Variants in FNDC3B observed in about 807,000 individuals in gnomAD.
The protein encoded by FNDC3B is fibronectin type III domain-containing protein 3B.
FNDC3B carries 12 observed loss-of-function variants against 151.5 expected under a neutral mutation model. That is an observed-to-expected ratio of 0.08 (90% confidence interval 0.05 to 0.13). FNDC3B has a LOEUF of 0.13. Ranked by LOEUF, FNDC3B falls within the 10% of genes least tolerant of loss-of-function variation. FNDC3B has a pLI of 1.00. For synonymous variants in FNDC3B, 528 were observed against 549.0 expected, an observed-to-expected ratio of 0.96 and a Z score of 0.54; for missense variants, 1,214 against 1,505.3, an observed-to-expected ratio of 0.81 and a Z score of 3.20.
At position 172,385,597 on chromosome 3, in the gene FNDC3B, C is replaced by T. The variant is rs1308132698; in HGVS notation, c.3303+4504C>T. ...TTTTTTGGACAGAGTCTCACTCTGT[C>T]GCCCAGGCTGGAGCACAGTGGCGTG... On this transcript the variant is annotated intron_variant, in intron 25 of 25. Transcript: ENST00000415807. Among the ~76,000 whole-genome samples, 7 of 149,498 alleles carry T rather than the reference C, an allele frequency of 4.7e-5. No individual in the cohort carries two copies. In the East Asian group the frequency reaches 7.8e-4, roughly 17 times the overall value.
At chr3:172,185,586 G>C (rs1390559924) in intron 3 of FNDC3B, among the ~76,000 whole-genome samples, 3 of 152,122 alleles carry the variant, frequency 2.0e-5, no homozygotes, top group Admixed American at 2.0e-4. Context: ...ATTGAGATTT[G>C]AAAAGGAATG....
At chr3:172,307,837 G>A (rs1731273556) in intron 10 of FNDC3B, among the ~76,000 whole-genome samples, 2 of 152,210 alleles carry the variant, frequency 1.3e-5, no homozygotes, top group East Asian at 1.9e-4. Flanking sequence ...GGGCAAAGGG[G>A]TGGGAGGAGG....
At chr3:172,248,707 A>G (rs1727911718) in intron 5 of FNDC3B, among the ~76,000 whole-genome samples, 1 of 147,972 alleles carries the variant, frequency 6.8e-6, no homozygotes, top group Non-Finnish European at 1.5e-5. Context: ...TAATTTCTAT[A>G]TAATTAATTA....
chr3:172,160,089 T>C (rs1255120829), intron 3 of FNDC3B, among the ~76,000 whole-genome samples: 1 of 152,250 alleles, frequency 6.6e-6, no homozygotes, highest in East Asian at 1.9e-4. Context: ...CTCGCCTGCC[T>C]GTAAACCTGT....
chr3:172,161,860 C>T (rs949367473), intron 3 of FNDC3B, among the ~76,000 whole-genome samples: 1 of 152,158 alleles, frequency 6.6e-6, no homozygotes, highest in African/African-American at 2.4e-5. Flanking sequence ...CCCCTACATC[C>T]CCAGCACTAG....
In FNDC3B at chr3:172,217,083, TCTCCATAA is replaced by T. The variant is rs1376932556; in HGVS notation, c.188-9787_188-9780del. 3.1e-4 allele frequency among the ~76,000 whole-genome samples: 17 copies of T among 54,038 alleles called. No homozygotes were observed. In the South Asian group the frequency reaches 0.01, roughly 32 times the overall value. 35.5% of individuals were successfully genotyped at this position (54,038 alleles called of 152,430 possible). ...GCATTACTCATTCCGCATGCCATTCTCTCCATAATTAAGAACAGAAATGCTTGTTCTCT... is the reference window on the plus strand; with the variant it reads ...GCATTACTCATTCCGCATGCCATTCTTTAAGAACAGAAATGCTTGTTCTCT... On this transcript the variant is annotated intron_variant, in intron 3 of 25. Transcript: ENST00000415807.
intron 6 of FNDC3B, among the ~76,000 whole-genome samples, chr3:172,256,457 G>A (rs990836750): frequency 1.3e-5 from 2 of 152,226 alleles, no homozygotes; most frequent in Non-Finnish European, 2.9e-5. Flanking sequence ...ATTTGTTCTT[G>A]TGTACGGAGT....
intron 2 of FNDC3B, among the ~76,000 whole-genome samples, chr3:172,128,881 A>G (rs941942732): frequency 1.3e-5 from 2 of 152,124 alleles, no homozygotes; most frequent in African/African-American, 2.4e-5. Context: ...GGTATGGTTT[A>G]TATCTTGATT....
chr3:172,204,922 C>G (rs138786471), intron 3 of FNDC3B, among the ~76,000 whole-genome samples: 110 of 152,354 alleles, frequency 7.2e-4, no homozygotes, highest in African/African-American at 2.5e-3. Context: ...ACTTACCATT[C>G]TGGTCTGTGT....
At chr3:172,047,201 T>C (rs1716408859) in intron 1 of FNDC3B, among the ~76,000 whole-genome samples, 1 of 152,232 alleles carries the variant, frequency 6.6e-6, no homozygotes, top group Admixed American at 6.5e-5. Context: ...GTGATCTTTA[T>C]ACATGAACAA....
At chr3:172,154,546 A>G (rs1158823156) in intron 3 of FNDC3B, among the ~76,000 whole-genome samples, 1 of 152,088 alleles carries the variant, frequency 6.6e-6, no homozygotes, top group Non-Finnish European at 1.5e-5. Flanking sequence ...CTTTGTCTTC[A>G]GTTACTCCCA....
intron 3 of FNDC3B, among the ~76,000 whole-genome samples, chr3:172,176,509 A>T (rs1210505433): frequency 6.6e-6 from 1 of 152,188 alleles, no homozygotes; most frequent in Admixed American, 6.5e-5. Context: ...TGAGTTAGGA[A>T]ATTTAGTTCC....
At chr3:172,140,340 A>G (rs1044574311) in intron 3 of FNDC3B, among the ~76,000 whole-genome samples, 1 of 152,194 alleles carries the variant, frequency 6.6e-6, no homozygotes, top group Non-Finnish European at 1.5e-5. Context: ...TCATTAGACG[A>G]TTTTTCCATT....
intron 1 of FNDC3B, among the ~76,000 whole-genome samples, chr3:172,106,864 G>A (rs544362553): frequency 6.6e-6 from 1 of 152,284 alleles, no homozygotes; most frequent in East Asian, 1.9e-4. Context: ...GAAGAAAAAG[G>A]AATAAGCTAG....
intron 3 of FNDC3B, among the ~76,000 whole-genome samples, chr3:172,161,078 G>A (rs1201085804): frequency 6.6e-6 from 1 of 152,162 alleles, no homozygotes; most frequent in African/African-American, 2.4e-5. Context: ...TTCTTGGTAT[G>A]TTATTTCTGT....
chr3:172,127,944 C>A (rs1720888405), intron 2 of FNDC3B, among the ~76,000 whole-genome samples: 1 of 152,208 alleles, frequency 6.6e-6, no homozygotes, highest in Non-Finnish European at 1.5e-5. Context: ...AGGCGTGAGC[C>A]ACCACACCCG....
At chr3:172,368,747 AT>A (rs1734749438) in intron 23 of FNDC3B, among the ~76,000 whole-genome samples, 1 of 152,230 alleles carries the variant, frequency 6.6e-6, no homozygotes, top group Non-Finnish European at 1.5e-5. Flanking sequence ...GCGGTGACTC[AT>A]GCCTGTAATC....
intron 1 of FNDC3B, among the ~76,000 whole-genome samples, chr3:172,087,625 T>TA (rs983645049): frequency 3.9e-5 from 6 of 152,084 alleles, no homozygotes; most frequent in African/African-American, 1.2e-4. Context: ...TGCTGCTGAT[T>TA]AAAAAAAATT....
At chr3:172,071,382 A>G (rs542737638) in intron 1 of FNDC3B, among the ~76,000 whole-genome samples, 82 of 152,280 alleles carry the variant, frequency 5.4e-4, no homozygotes, top group Non-Finnish European at 6.9e-4. Context: ...ATTAAGGCAA[A>G]GTCTTAAGGA....
Sources: gnomAD v4.1 joint callset for allele counts (sites outside exome capture counted in the v4.1 genomes callset) on GRCh38, gnomAD v4.1.1 for gene constraint, MANE v1.5 for transcripts, NCBI Gene and HGNC (gene_info 2026-07-23, HGNC 2026-07-21) for gene names.